Variants in EYS observed in about 807,000 individuals in gnomAD.
EYS encodes the protein protein eyes shut homolog.
EYS carries 250 observed loss-of-function variants against 282.1 expected under a neutral mutation model. The ratio of observed to expected loss-of-function variants is 0.89; its 90% CI spans 0.80 to 0.98. The LOEUF (loss-of-function observed/expected upper bound fraction) is 0.98. Ranked by LOEUF, EYS falls within the 50% of genes least tolerant of loss-of-function variation. The pLI is 0.00. For synonymous variants in EYS, 1,355 were observed against 1,282.9 expected, an observed-to-expected ratio of 1.06 and a Z score of -1.20; for missense variants, 4,016 against 3,709.0, an observed-to-expected ratio of 1.08 and a Z score of -2.15.
intron 1 of EYS, among the ~76,000 whole-genome samples, chr6:65,641,325 G>T (rs1457366196): frequency 6.6e-6 from 1 of 152,210 alleles, no homozygotes; most frequent in East Asian, 1.9e-4. Context: ...GACCAAGAGT[G>T]ACCTCAGGCC....
At chr6:64,221,924 C>A (rs572622721) in intron 31 of EYS, among the ~76,000 whole-genome samples, 5 of 152,044 alleles carry the variant, frequency 3.3e-5, no homozygotes, top group African/African-American at 1.2e-4. Context: ...AGAATTCTAT[C>A]CCCTGTGGAG....
chr6:64,419,895 GTCTT>G (rs1272886438), intron 28 of EYS, among the ~76,000 whole-genome samples: 1 of 152,184 alleles, frequency 6.6e-6, no homozygotes, highest in Non-Finnish European at 1.5e-5. Context: ...GGAGAACAGT[GTCTT>G]TCTTCTCACA....
chr6:64,942,995 C>A (rs1206233879), intron 15 of EYS, among the ~76,000 whole-genome samples: 1 of 151,952 alleles, frequency 6.6e-6, no homozygotes, highest in Non-Finnish European at 1.5e-5. Context: ...CCTAATATGG[C>A]AGCACATCAA....
At chr6:64,093,334 T>G (rs1259690074) in intron 31 of EYS, among the ~76,000 whole-genome samples, 1 of 152,178 alleles carries the variant, frequency 6.6e-6, no homozygotes, top group African/African-American at 2.4e-5. Context: ...AATCTATAAA[T>G]TACCTCGGGC....
At chr6:65,074,355 C>T (rs1773984787) in intron 12 of EYS, among the ~76,000 whole-genome samples, 2 of 151,826 alleles carry the variant, frequency 1.3e-5, no homozygotes, top group Non-Finnish European at 2.9e-5. Flanking sequence ...AAATTATTGT[C>T]CTGAATGAAT....
chr6:64,545,485 A>G (rs1483655403), intron 26 of EYS, among the ~76,000 whole-genome samples: 1 of 151,878 alleles, frequency 6.6e-6, no homozygotes, highest in African/African-American at 2.4e-5. Context: ...CTCTCTAACC[A>G]CTCCTATTCA....
At chr6:63,914,538 A>T (rs1281735919) in intron 35 of EYS, among the ~76,000 whole-genome samples, 1 of 152,092 alleles carries the variant, frequency 6.6e-6, no homozygotes, top group Non-Finnish European at 1.5e-5. Flanking sequence ...GTGAAACCCC[A>T]TCTCTACTAA....
chr6:65,033,651 G>C (rs1397363946), intron 13 of EYS, among the ~76,000 whole-genome samples: 1 of 152,148 alleles, frequency 6.6e-6, no homozygotes, highest in Admixed American at 6.5e-5. Flanking sequence ...AGAATGCTTG[G>C]CAGCCTCCTC....
chr6:65,151,862 T>C (rs1764618900), intron 12 of EYS, among the ~76,000 whole-genome samples: 1 of 151,996 alleles, frequency 6.6e-6, no homozygotes. Context: ...GTGTTAAATT[T>C]GTTATTTAAC....
intron 12 of EYS, among the ~76,000 whole-genome samples, chr6:65,186,587 T>C (rs115384938): frequency 0.013 from 2,030 of 151,906 alleles, 54 homozygotes; most frequent in African/African-American, 0.046. Flanking sequence ...ATGATGGAGA[T>C]AAAAGTACTT....
intron 22 of EYS, among the ~76,000 whole-genome samples, chr6:64,660,172 G>C (rs1276244877): frequency 6.6e-6 from 1 of 152,138 alleles, no homozygotes; most frequent in Non-Finnish European, 1.5e-5. Flanking sequence ...AAAGGCCTTT[G>C]ACAAAATTCA....
chr6:65,531,016 C>T (rs543820444), intron 2 of EYS, among the ~76,000 whole-genome samples: 1 of 152,196 alleles, frequency 6.6e-6, no homozygotes, highest in African/African-American at 2.4e-5. Flanking sequence ...AAAGAATTTT[C>T]TGTATTTAGA....
At chr6:64,668,543 C>CTTTTT (rs35765768) in intron 22 of EYS, among the ~76,000 whole-genome samples, 26 of 76,144 alleles carry the variant, frequency 3.4e-4, no homozygotes, top group African/African-American at 4.1e-4. Flanking sequence ...TACCACAATT[C>CTTTTT]TTTTTTTTTT....
At chr6:64,764,566 T>C (rs1185663847) in intron 22 of EYS, among the ~76,000 whole-genome samples, 1 of 152,238 alleles carries the variant, frequency 6.6e-6, no homozygotes, top group Non-Finnish European at 1.5e-5. Context: ...GTCTCTGAAA[T>C]GCCCTGGAGG....
chr6:64,738,793 T>C (rs1182020165), intron 22 of EYS, among the ~76,000 whole-genome samples: 1 of 152,184 alleles, frequency 6.6e-6, no homozygotes, highest in Admixed American at 6.5e-5. Context: ...ATTTTGCCCT[T>C]GTTGCCTAGG....
At chr6:65,569,509 C>T (rs1213454119) in intron 2 of EYS, among the ~76,000 whole-genome samples, 3 of 152,144 alleles carry the variant, frequency 2.0e-5, no homozygotes, top group Non-Finnish European at 4.4e-5. Context: ...CAAATTATGG[C>T]TTAGGAGCCA....
chr6:64,409,951 A>G (rs925199344), intron 28 of EYS, among the ~76,000 whole-genome samples: 4 of 152,134 alleles, frequency 2.6e-5, no homozygotes, highest in African/African-American at 9.7e-5. Context: ...TTTATATTTT[A>G]TATAGCCTGG....
Position 64,843,241 on chromosome 6 carries a change from A to AC in EYS, c.2993-20420dup, listed in dbSNP as rs543557756. On this transcript the variant is annotated intron_variant, in intron 19 of 42. Transcript: ENST00000503581. ...TTGTGGGAGGGAAATGTGGGGTTGGACCCCCCACACAGAACCCATACTGCG... is the reference window on the plus strand; with the variant it reads ...TTGTGGGAGGGAAATGTGGGGTTGGACCCCCCCACACAGAACCCATACTGCG... 2.7e-4 allele frequency among the ~76,000 whole-genome samples: 41 copies of AC among 151,790 alleles called. 2 individuals are homozygous for AC. The South Asian group carries it at 6.7e-3, about 25-fold the overall frequency.
chr6:64,177,779 A>G (rs1262662706), intron 31 of EYS, among the ~76,000 whole-genome samples: 1 of 152,072 alleles, frequency 6.6e-6, no homozygotes, highest in Non-Finnish European at 1.5e-5. Flanking sequence ...CTGATACTTT[A>G]GATGCAATTA....
Sources: gnomAD v4.1 joint callset for allele counts (sites outside exome capture counted in the v4.1 genomes callset) on GRCh38, gnomAD v4.1.1 for gene constraint, MANE v1.5 for transcripts, NCBI Gene and HGNC (gene_info 2026-07-23, HGNC 2026-07-21) for gene names.